Variants in HECW1 observed in about 807,000 individuals in gnomAD.
HECW1 encodes E3 ubiquitin-protein ligase HECW1.
HECW1 carries 61 observed loss-of-function variants against 182.3 expected under a neutral mutation model. That is an observed-to-expected ratio of 0.33 (90% CI 0.27 to 0.41). HECW1 has a LOEUF of 0.41. Among genes scored for constraint, HECW1 ranks in the 10% least tolerant of loss-of-function variants. HECW1 has a pLI of 1.00. For missense variants in HECW1, 1,739 were observed against 2,108.9 expected (o/e 0.82, Z 3.44); for synonymous variants, 859 against 832.6 (o/e 1.03, Z -0.55).
intron 2 of HECW1, among the ~76,000 whole-genome samples, chr7:43,116,729 G>T (rs758339626): frequency 6.6e-6 from 1 of 152,208 alleles, no homozygotes; most frequent in Non-Finnish European, 1.5e-5. Flanking sequence ...ACAGCCGTTG[G>T]CACATTTGAT....
At position 43,501,241 on chromosome 7, in the gene HECW1, G is replaced by A. The variant is rs117557838; in HGVS notation, c.3550G>A (p.Val1184Ile). Reference protein sequence around the residue: ...SLFEEEIMSYVPLQAAFHPGY... With the variant: ...SLFEEEIMSYIPLQAAFHPGY... ...CTTTGAAGAAGAGATTATGTCCTACGTCCCCCTGCAGGCTGCCTTCCACCC... is the reference window on the plus strand; with the variant it reads ...CTTTGAAGAAGAGATTATGTCCTACATCCCCCTGCAGGCTGCCTTCCACCC... The change falls in exon 21 of 30, where the codon GTC (valine) becomes ATC (isoleucine). Residue 1184 changes from valine (V) to isoleucine (I), a missense_variant. By Grantham distance (29) the Val-to-Ile change is conservative. Transcript: ENST00000395891. 8.7e-3 allele frequency: 13,234 copies of A among 1,519,584 alleles called. 88 individuals carry two copies. The highest frequency in any genetic ancestry group is 0.013 in the Middle Eastern group (70 of 5,554). 94.1% of individuals were successfully genotyped at this position (1,519,584 alleles called of 1,614,324 possible). A position where few individuals can be genotyped will look rare whatever the true frequency, so the allele number is the denominator to read the frequency against.
chr7:43,562,914 T>C lies in HECW1; in HGVS notation c.*988T>C, dbSNP rs2082247904. Reference sequence around the variant, plus strand: ...GTTCTTCACAAAGGAAAAAAAAATGTGTAGATGATACCATGACTTTTGTTA... The same window carrying C: ...GTTCTTCACAAAGGAAAAAAAAATGCGTAGATGATACCATGACTTTTGTTA... On this transcript the variant is annotated 3_prime_UTR_variant, in exon 30 of 30. Coordinates refer to ENST00000395891, the MANE Select transcript of HECW1 (RefSeq NM_015052.5). The C allele has an allele frequency of 4.6e-6, 1 of 215,878 alleles. No individual in the cohort carries two copies. Among genetic ancestry groups the C allele is most frequent in the Non-Finnish European group, 9.3e-6 (1 of 107,268 alleles). The allele number at this position is 215,878 out of a possible 1,614,324, so 13.4% of individuals were successfully genotyped here. A position where few individuals can be genotyped will look rare whatever the true frequency, so the allele number is the denominator to read the frequency against.
At position 43,219,678 on chromosome 7, in the gene HECW1, T is replaced by G. The variant is rs185572736; in HGVS notation, c.-31-24197T>G. Among the ~76,000 whole-genome samples, 624 of 152,236 alleles carry G rather than the reference T, an allele frequency of 4.1e-3. 3 individuals carry two copies. The highest frequency in any genetic ancestry group is 0.014 in the African/African-American group (590 of 41,492). On this transcript the variant is annotated intron_variant, in intron 2 of 29. Transcript: ENST00000395891. ...ACAGAACAGAACAGGACAGGGATTT[T>G]CACAGTGCTTTTCTATACAATGTCT...
chr7:43,466,152 AGAAG>A (rs974898991), intron 14 of HECW1, among the ~76,000 whole-genome samples: 12 of 147,976 alleles, frequency 8.1e-5, no homozygotes, highest in Non-Finnish European at 1.5e-4. Flanking sequence ...AGAGAGAGAA[AGAAG>A]GAAGGAAGGA....
chr7:43,498,034 G>C (rs187347468), intron 19 of HECW1, among the ~76,000 whole-genome samples: 1 of 152,314 alleles, frequency 6.6e-6, no homozygotes, highest in Admixed American at 6.5e-5. Context: ...ATGTAGGAGA[G>C]ACAGCTGGCA....
At chr7:43,175,069 C>T (rs528135437) in intron 2 of HECW1, among the ~76,000 whole-genome samples, 1 of 152,242 alleles carries the variant, frequency 6.6e-6, no homozygotes, top group South Asian at 2.1e-4. Context: ...TCCTGATATC[C>T]TTTTCCCAAC....
At chr7:43,303,420 T>A (rs570962433) in intron 3 of HECW1, among the ~76,000 whole-genome samples, 1 of 150,816 alleles carries the variant, frequency 6.6e-6, no homozygotes, top group South Asian at 2.1e-4. Context: ...TGGTGGATTT[T>A]TTTTTATGAG....
chr7:43,407,863 A>C, intron 8 of HECW1, 132 bp downstream of exon 8: 2 of 793,672 alleles, frequency 2.5e-6, no homozygotes, highest in Non-Finnish European at 3.9e-6. Flanking sequence ...ATGGTCTTAG[A>C]AGGGAGCCAT....
At chr7:43,117,425 C>T (rs912516341) in intron 2 of HECW1, among the ~76,000 whole-genome samples, 1 of 151,842 alleles carries the variant, frequency 6.6e-6, no homozygotes, top group Non-Finnish European at 1.5e-5. Flanking sequence ...ACTGCCACCC[C>T]CCACCCGCCC....
At chr7:43,462,867 C>A (rs771658672) in intron 13 of HECW1, among the ~76,000 whole-genome samples, 3 of 152,250 alleles carry the variant, frequency 2.0e-5, no homozygotes, top group East Asian at 1.9e-4. Flanking sequence ...AATTTACAAA[C>A]CTTGGGAGTC....
At chr7:43,349,805 G>A (rs149266624) in intron 5 of HECW1, among the ~76,000 whole-genome samples, 4 of 152,056 alleles carry the variant, frequency 2.6e-5, no homozygotes, top group African/African-American at 7.2e-5. Flanking sequence ...TCCATTCTGC[G>A]GTTCTGTATC....
At chr7:43,437,859 G>T (rs1245281265) in intron 8 of HECW1, 144 bp from the exon 9 acceptor site, 1 of 801,374 alleles carries the variant, frequency 1.2e-6, no homozygotes, top group Non-Finnish European at 2.0e-6. Flanking sequence ...GAATAAACAG[G>T]TTCACAACAT....
chr7:43,296,954 A>G (rs2152759894), intron 3 of HECW1, among the ~76,000 whole-genome samples: 1 of 152,306 alleles, frequency 6.6e-6, no homozygotes, highest in South Asian at 2.1e-4. Context: ...ACAACCACCA[A>G]TTAGAGACAG....
intron 8 of HECW1, among the ~76,000 whole-genome samples, chr7:43,419,276 T>A (rs2076108574): frequency 6.6e-6 from 1 of 152,212 alleles, no homozygotes; most frequent in African/African-American, 2.4e-5. Flanking sequence ...AGGGCAAAGA[T>A]CCCACTGTGA....
chr7:43,553,196 A>G (rs188169033), intron 28 of HECW1, among the ~76,000 whole-genome samples: 2 of 152,312 alleles, frequency 1.3e-5, no homozygotes, highest in Admixed American at 1.3e-4. Flanking sequence ...CCACAAAACA[A>G]GTTCCTTATT....
chr7:43,518,064 T>C (rs889921028), intron 24 of HECW1, among the ~76,000 whole-genome samples: 6 of 152,210 alleles, frequency 3.9e-5, no homozygotes, highest in African/African-American at 1.4e-4. Context: ...GAATGAAATT[T>C]CTTCAGGAAA....
At chr7:43,500,825 G>C (rs756120710) in intron 20 of HECW1, 43 bp downstream of exon 20, 1 of 1,509,032 alleles carries the variant, frequency 6.6e-7, no homozygotes, top group Non-Finnish European at 9.2e-7. Context: ...AGCTTCCCTG[G>C]GCAGCTCTCC....
At chr7:43,523,466 G>C (rs79180793) in intron 24 of HECW1, among the ~76,000 whole-genome samples, 53 of 152,258 alleles carry the variant, frequency 3.5e-4, no homozygotes, top group African/African-American at 1.3e-3. Context: ...GTGGATGGAA[G>C]AAGAGCCCAG....
intron 8 of HECW1, among the ~76,000 whole-genome samples, chr7:43,434,681 G>A (rs920432093): frequency 1.3e-5 from 2 of 152,152 alleles, no homozygotes; most frequent in Admixed American, 6.5e-5. Context: ...ACCATGGCAT[G>A]GAGAAAAGGG....
Sources: allele counts gnomAD v4.1 joint callset (sites outside exome capture counted in the v4.1 genomes callset), GRCh38; gene constraint gnomAD v4.1.1; transcripts MANE v1.5; gene names NCBI Gene and HGNC (gene_info 2026-07-23, HGNC 2026-07-21).